Variants in BAZ2B observed in about 807,000 individuals in gnomAD.
BAZ2B encodes bromodomain adjacent to zinc finger domain protein 2B.
In BAZ2B, 91 loss-of-function variants were observed where a neutral mutation model predicts 246.0. That is an observed-to-expected ratio of 0.37 (90% CI 0.31 to 0.44). The LOEUF (loss-of-function observed/expected upper bound fraction) is 0.44, where lower values mean the gene tolerates loss of function less well. BAZ2B is among the 20% of genes least tolerant of loss of function. The pLI is 1.00. For synonymous variants in BAZ2B, 855 were observed against 860.0 expected, an observed-to-expected ratio of 0.99 and a Z score of 0.10; for missense variants, 2,332 against 2,533.7, an observed-to-expected ratio of 0.92 and a Z score of 1.71.
intron 6 of BAZ2B, chr2:159,444,144 T>C (rs755414016): frequency 2.0e-5 from 3 of 152,056 alleles, no homozygotes; most frequent in Non-Finnish European, 2.9e-5. Context: ...AGCTCAGAGA[T>C]AGGACCTTAG....
At chr2:159,462,705 G>T in intron 3 of BAZ2B, 1 of 1,375,648 alleles carries the variant, frequency 7.3e-7, no homozygotes, top group Non-Finnish European at 1.0e-6. Context: ...TGGGCTGTAG[G>T]TGGTGTGATG....
the BAZ2B span, among the ~76,000 whole-genome samples, chr2:159,665,737 A>G: frequency 2.0e-5 from 3 of 151,634 alleles, no homozygotes; most frequent in African/African-American, 7.3e-5. Context: ...TAGACCTAAA[A>G]CCATAAAAAC....
At chr2:159,702,993 G>A in the BAZ2B span, among the ~76,000 whole-genome samples, 4 of 151,952 alleles carry the variant, frequency 2.6e-5, no homozygotes, top group Admixed American at 6.6e-5. Flanking sequence ...GCAGTGAGCC[G>A]AGATTGCACC....
At chr2:159,379,266 T>C (rs1188500853) in intron 25 of BAZ2B, among the ~76,000 whole-genome samples, 1 of 152,196 alleles carries the variant, frequency 6.6e-6, no homozygotes, top group East Asian at 1.9e-4. Context: ...ATTCCAATTA[T>C]ATGAGGTATC....
chr2:159,345,678 A>C (rs1204210459), intron 31 of BAZ2B, among the ~76,000 whole-genome samples: 2 of 152,234 alleles, frequency 1.3e-5, no homozygotes, highest in Non-Finnish European at 2.9e-5. Flanking sequence ...TAGAATTGGC[A>C]AATGAGTTGG....
At chr2:159,362,038 T>C (rs1338450823) in intron 27 of BAZ2B, among the ~76,000 whole-genome samples, 1 of 152,062 alleles carries the variant, frequency 6.6e-6, no homozygotes, top group East Asian at 1.9e-4. Flanking sequence ...CAAACCACCA[T>C]GGCAAGTGAA....
intron 2 of BAZ2B, among the ~76,000 whole-genome samples, chr2:159,553,514 G>A (rs937188524): frequency 1.3e-5 from 2 of 151,354 alleles, no homozygotes; most frequent in African/African-American, 2.4e-5. Flanking sequence ...TAGGAAATGA[G>A]AAGCCACCAC....
chr2:159,531,597 A>G (rs765174541), intron 2 of BAZ2B, among the ~76,000 whole-genome samples: 16 of 152,226 alleles, frequency 1.1e-4, no homozygotes, highest in Non-Finnish European at 2.1e-4. Context: ...AGAAGGTCAC[A>G]GCCTATATGC....
chr2:159,519,405 AT>A (rs1190461678), intron 2 of BAZ2B, among the ~76,000 whole-genome samples: 42 of 141,176 alleles, frequency 3.0e-4, no homozygotes, highest in Middle Eastern at 7.1e-3. Context: ...AATTTTTTGT[AT>A]TTTTTAGTAG....
chr2:159,389,382 T>C lies in BAZ2B; in HGVS notation c.3179A>G (p.Lys1060Arg). 1 of 1,611,978 alleles carries C rather than the reference T, an allele frequency of 6.2e-7. No homozygotes were observed. Among genetic ancestry groups the C allele is most frequent in the Non-Finnish European group, 8.5e-7 (1 of 1,178,784 alleles). Residue 1060 changes from lysine to arginine, a missense_variant, in exon 21 of 37, where the codon AAG becomes AGG. Physicochemically the swap from Lys to Arg is conservative, Grantham distance 26. Transcript: ENST00000392783. ...RLELEMAKEL[K>R]KPNEDMCLAD... The stretch of plus-strand genomic sequence containing the variant: ...TAAGCACATGTCTTCATTAGGCTTC[T>C]TTAGTTCCTTTGCCATTTCTAATTC...
rs1243217166 is a variant in BAZ2B, at chr2:159,596,304, A to G, written c.-46+19938T>C. 1.3e-5 allele frequency among the ~76,000 whole-genome samples: 2 copies of G among 152,220 alleles called. 1 individual carries two copies. The highest frequency in any genetic ancestry group is 3.8e-4 in the East Asian group (2 of 5,202). On this transcript the variant is annotated intron_variant, in intron 1 of 36. Coordinates refer to ENST00000392783, the MANE Select transcript of BAZ2B (RefSeq NM_013450.4). ...CGCTTATTTACTGTTTCATTTGAAG[A>G]CAACAATGATTAATATATTGCATTT...
intron 3 of BAZ2B, chr2:159,464,582 G>T (rs999542245): frequency 4.6e-5 from 7 of 152,106 alleles, no homozygotes; most frequent in Non-Finnish European, 7.4e-5. Flanking sequence ...TCTTCAAAAG[G>T]CATTTTTATT....
At chr2:159,678,162 T>C in the BAZ2B span, among the ~76,000 whole-genome samples, 13 of 152,156 alleles carry the variant, frequency 8.5e-5, no homozygotes, top group Non-Finnish European at 1.9e-4. Context: ...TTTAAAACAT[T>C]TTCTATTAAT....
At chr2:159,653,807 G>C in the BAZ2B span, among the ~76,000 whole-genome samples, 4 of 152,116 alleles carry the variant, frequency 2.6e-5, no homozygotes, top group Non-Finnish European at 5.9e-5. Context: ...ACAATGGCAA[G>C]GGCAATGGAC....
chr2:159,333,430 T>C (rs2065111292), intron 33 of BAZ2B, among the ~76,000 whole-genome samples: 1 of 152,160 alleles, frequency 6.6e-6, no homozygotes, highest in Admixed American at 6.5e-5. Flanking sequence ...AGACTTTAAA[T>C]CTGCAAAAAG....
chr2:159,570,453 T>C (rs929100898), intron 1 of BAZ2B, among the ~76,000 whole-genome samples: 5 of 152,208 alleles, frequency 3.3e-5, no homozygotes, highest in Non-Finnish European at 7.4e-5. Context: ...AGTGCTGGGA[T>C]TACAGGCGTA....
chr2:159,599,928 T>C (rs1578812223), intron 1 of BAZ2B, among the ~76,000 whole-genome samples: 1 of 82,896 alleles, frequency 1.2e-5, no homozygotes. Flanking sequence ...AGAGCGAGAC[T>C]CCTTCTCAAA....
chr2:159,524,812 T>G (rs1423337421), intron 2 of BAZ2B, among the ~76,000 whole-genome samples: 1 of 152,150 alleles, frequency 6.6e-6, no homozygotes, highest in Non-Finnish European at 1.5e-5. Context: ...TTTAATTAAA[T>G]TATTTTAATT....
chr2:159,347,654 T>TA lies in BAZ2B; in HGVS notation c.5294-9dup. 1.9e-6 allele frequency: 3 copies of TA among 1,581,740 alleles called. No individual in the cohort carries two copies. In the South Asian group the frequency reaches 3.4e-5, roughly 18 times the overall value. ...TCAGTTCAATAATAGCAACTACATTTAAAAAGAAATTAATTTAAAAATCCA... is the reference window on the plus strand; with the variant it reads ...TCAGTTCAATAATAGCAACTACATTTAAAAAAGAAATTAATTTAAAAATCCA... On this transcript the variant is annotated splice_polypyrimidine_tract_variant and intron_variant, in intron 30 of 36. Transcript: ENST00000392783.
Sources: gnomAD v4.1 joint callset for allele counts (sites outside exome capture counted in the v4.1 genomes callset) on GRCh38, gnomAD v4.1.1 for gene constraint, MANE v1.5 for transcripts, NCBI Gene and HGNC (gene_info 2026-07-23, HGNC 2026-07-21) for gene names.